The following OR10J1 variants were observed in gnomAD, a reference collection of about 807,000 sequenced individuals.
OR10J1 encodes olfactory receptor family 10 subfamily J member 1, also known as olfactory receptor 10J1.
For synonymous variants in OR10J1, 202 were observed against 143.8 expected, an observed-to-expected ratio of 1.40 and a Z score of -2.89; for missense variants, 474 against 376.6, an observed-to-expected ratio of 1.26 and a Z score of -2.14.
chr1:159,440,607 G>A lies in OR10J1; in HGVS notation c.816G>A (p.Leu272=), dbSNP rs767398594. Residue 272 remains leucine, a synonymous_variant, in exon 1 of 1, where the codon CTG becomes CTA. Coordinates refer to ENST00000423932, the MANE Select transcript of OR10J1 (RefSeq NM_012351.3). ...KSENTREHDQ[L]ISVTYTVITP... Reference sequence around the variant, plus strand: ...AGAACACCAGAGAACATGACCAGCTGATCTCGGTGACCTACACTGTCATCA... The same window carrying A: ...AGAACACCAGAGAACATGACCAGCTAATCTCGGTGACCTACACTGTCATCA... 6 of 1,613,776 alleles carry A rather than the reference G, an allele frequency of 3.7e-6. No homozygotes were observed. In the South Asian group the frequency reaches 6.6e-5, roughly 18 times the overall value.
chr1:159,417,976 C>T, the OR10J1 span, among the ~76,000 whole-genome samples: 1 of 152,134 alleles, frequency 6.6e-6, no homozygotes, highest in Non-Finnish European at 1.5e-5. Context: ...CATTATGCCC[C>T]TGCCCCAGAG....
At chr1:159,407,058 C>T in the OR10J1 span, among the ~76,000 whole-genome samples, 6 of 152,066 alleles carry the variant, frequency 3.9e-5, no homozygotes, top group African/African-American at 2.4e-5. Flanking sequence ...CAATAGAAAA[C>T]TTTGTCAGGA....
chr1:159,409,529 T>G, the OR10J1 span, among the ~76,000 whole-genome samples: 1 of 152,064 alleles, frequency 6.6e-6, no homozygotes, highest in African/African-American at 2.4e-5. Context: ...TCCAACCAGC[T>G]GCAAAGAGAT....
the OR10J1 span, among the ~76,000 whole-genome samples, chr1:159,401,076 A>C: frequency 6.6e-6 from 1 of 152,072 alleles, no homozygotes; most frequent in East Asian, 1.9e-4. Flanking sequence ...ACCACAACAT[A>C]CCAAAACCTA....
the OR10J1 span, among the ~76,000 whole-genome samples, chr1:159,404,071 T>G: frequency 0.11 from 16,455 of 151,946 alleles, 1,143 homozygotes; most frequent in East Asian, 0.23. Flanking sequence ...TCAAAACAAT[T>G]GAACTCATGG....
At chr1:159,397,809 C>G in the OR10J1 span, among the ~76,000 whole-genome samples, 1 of 152,194 alleles carries the variant, frequency 6.6e-6, no homozygotes, top group Non-Finnish European at 1.5e-5. Context: ...CTGGACCCAC[C>G]TGGGGCTTGA....
chr1:159,401,096 G>A, the OR10J1 span, among the ~76,000 whole-genome samples: 1 of 151,498 alleles, frequency 6.6e-6, no homozygotes, highest in East Asian at 1.9e-4. Context: ...ATGGGATATA[G>A]CAAAAGCAGT....
At chr1:159,413,234 G>A in the OR10J1 span, among the ~76,000 whole-genome samples, 1 of 152,146 alleles carries the variant, frequency 6.6e-6, no homozygotes. Context: ...CTTTTACACT[G>A]TTGGTGGGAC....
At chr1:159,402,552 C>G in the OR10J1 span, among the ~76,000 whole-genome samples, 5 of 151,840 alleles carry the variant, frequency 3.3e-5, no homozygotes, top group South Asian at 1.0e-3. Flanking sequence ...TGAACTTAAC[C>G]AAAGAAGTGA....
chr1:159,440,616 G>T lies in OR10J1; in HGVS notation c.825G>T (p.Val275=). The T allele has an allele frequency of 6.2e-7, 1 of 1,613,838 alleles. No homozygotes were observed. Among genetic ancestry groups the T allele is most frequent in the Non-Finnish European group, 8.5e-7 (1 of 1,180,004 alleles). The change falls in exon 1 of 1, where the codon GTG becomes GTT. Residue 275 remains valine (V), a synonymous_variant. Coordinates refer to ENST00000423932, the MANE Select transcript of OR10J1 (RefSeq NM_012351.3). ...GAGAACATGACCAGCTGATCTCGGT[G>T]ACCTACACTGTCATCACTCCCCTAC... is the stretch of plus-strand genomic sequence containing the variant. The part of the protein sequence containing the change: ...NTREHDQLIS[V]TYTVITPLLN...
At chr1:159,434,998 T>C (rs577392395), upstream of OR10J1, among the ~76,000 whole-genome samples, 1 of 152,306 alleles carries the variant, frequency 6.6e-6, no homozygotes, top group Non-Finnish European at 1.5e-5. Context: ...GCTTCTCTTA[T>C]AGTCCCTGAT....
At chr1:159,406,101 G>T in the OR10J1 span, 3 of 441,122 alleles carry the variant, frequency 6.8e-6, no homozygotes, top group South Asian at 5.7e-5. Context: ...AAGCTAGTGA[G>T]GATTCAAGAG....
At chr1:159,420,996 A>G in the OR10J1 span, among the ~76,000 whole-genome samples, 1 of 152,100 alleles carries the variant, frequency 6.6e-6, no homozygotes, top group Non-Finnish European at 1.5e-5. Flanking sequence ...AGGTTTCTAA[A>G]CCTTTTGTTT....
At chr1:159,424,099 C>T in the OR10J1 span, among the ~76,000 whole-genome samples, 3 of 151,448 alleles carry the variant, frequency 2.0e-5, no homozygotes, top group Admixed American at 1.3e-4. Context: ...GCCCGTAATC[C>T]CAGCTACTCA....
chr1:159,438,137 G>A (rs1655793214), upstream of OR10J1: 1 of 152,176 alleles, frequency 6.6e-6, no homozygotes, highest in Admixed American at 6.5e-5. Flanking sequence ...ATCACAGCTG[G>A]ACAGGTCTTC....
At chr1:159,414,975 C>T in the OR10J1 span, among the ~76,000 whole-genome samples, 1 of 151,898 alleles carries the variant, frequency 6.6e-6, no homozygotes, top group Admixed American at 6.6e-5. Context: ...GGATATTAGT[C>T]CCTTGTGGGA....
the OR10J1 span, among the ~76,000 whole-genome samples, chr1:159,414,483 T>G: frequency 1.3e-5 from 2 of 152,156 alleles, no homozygotes; most frequent in Admixed American, 1.3e-4. Context: ...ACTTTGTACA[T>G]TTGTCAGTTG....
chr1:159,434,428 A>G (rs888042536), upstream of OR10J1, among the ~76,000 whole-genome samples: 1 of 152,026 alleles, frequency 6.6e-6, no homozygotes, highest in South Asian at 2.1e-4. Flanking sequence ...ATTATAATAC[A>G]CTCCTTTTCA....
At chr1:159,430,065 CT>C in the OR10J1 span, among the ~76,000 whole-genome samples, 1 of 152,046 alleles carries the variant, frequency 6.6e-6, no homozygotes, top group African/African-American at 2.4e-5. Flanking sequence ...TGGCCCTCAT[CT>C]CATAACCTCA....
Sources: gnomAD v4.1 joint callset for allele counts (sites outside exome capture counted in the v4.1 genomes callset) on GRCh38, gnomAD v4.1.1 for gene constraint, MANE v1.5 for transcripts, NCBI Gene and HGNC (gene_info 2026-07-23, HGNC 2026-07-21) for gene names.